Variants in HS3ST4 observed in about 807,000 individuals in gnomAD.
HS3ST4 encodes heparan sulfate-glucosamine 3-sulfotransferase 4, also known as heparan sulfate glucosamine 3-O-sulfotransferase 4.
In HS3ST4, 17 loss-of-function variants were observed where a neutral mutation model predicts 29.2. That is an observed-to-expected ratio of 0.58 (90% CI 0.40 to 0.87). HS3ST4 has a LOEUF of 0.87. HS3ST4 is among the 40% of genes least tolerant of loss of function. The pLI, the probability that HS3ST4 is intolerant of heterozygous loss-of-function variation, is 0.00. For synonymous variants in HS3ST4, 314 were observed against 285.7 expected (o/e 1.10, Z -1.00); for missense variants, 627 against 634.5 (o/e 0.99, Z 0.13).
chr16:25,957,017 A>AGC (rs1364110810), intron 1 of HS3ST4, among the ~76,000 whole-genome samples: 4 of 150,210 alleles, frequency 2.7e-5, no homozygotes, highest in Non-Finnish European at 4.4e-5. Context: ...AAAAAAAAAA[A>AGC]GCATGGGTTT....
At chr16:25,929,400 AAAAG>A (rs775875191) in intron 1 of HS3ST4, among the ~76,000 whole-genome samples, 2 of 151,546 alleles carry the variant, frequency 1.3e-5, no homozygotes, top group Non-Finnish European at 2.9e-5. Flanking sequence ...AAAAAAAAAG[AAAAG>A]AAAGGTTCAA....
intron 1 of HS3ST4, among the ~76,000 whole-genome samples, chr16:25,922,438 T>G (rs2141683495): frequency 6.6e-6 from 1 of 152,340 alleles, no homozygotes; most frequent in South Asian, 2.1e-4. Flanking sequence ...CCCCTTGATC[T>G]TGGGCTTCCC....
chr16:25,965,063 T>G (rs548281692), intron 1 of HS3ST4, among the ~76,000 whole-genome samples: 3 of 152,106 alleles, frequency 2.0e-5, no homozygotes, highest in African/African-American at 7.2e-5. Flanking sequence ...CGCGAGACAT[T>G]GTAACAGATA....
At chr16:26,034,819 T>C (rs1969568542) in intron 1 of HS3ST4, among the ~76,000 whole-genome samples, 1 of 151,780 alleles carries the variant, frequency 6.6e-6, no homozygotes, top group South Asian at 2.1e-4. Flanking sequence ...CATAAATAAA[T>C]AAGTAAATAA....
At chr16:26,049,726 C>T (rs1018631277) in intron 1 of HS3ST4, among the ~76,000 whole-genome samples, 2 of 152,110 alleles carry the variant, frequency 1.3e-5, no homozygotes, top group Non-Finnish European at 1.5e-5. Context: ...GGCTCAAGCC[C>T]CAGGGCATTT....
chr16:25,973,810 G>A (rs540665902), intron 1 of HS3ST4, among the ~76,000 whole-genome samples: 1 of 152,274 alleles, frequency 6.6e-6, no homozygotes, highest in South Asian at 2.1e-4. Flanking sequence ...TGAGGAAACT[G>A]AGACTCAGGT....
chr16:25,949,190 C>T (rs2141696181), intron 1 of HS3ST4, among the ~76,000 whole-genome samples: 1 of 152,180 alleles, frequency 6.6e-6, no homozygotes, highest in African/African-American at 2.4e-5. Context: ...ACCCCTCAAG[C>T]ATTTATCCTT....
intron 1 of HS3ST4, among the ~76,000 whole-genome samples, chr16:25,727,768 G>A (rs1966546532): frequency 6.6e-6 from 1 of 152,162 alleles, no homozygotes; most frequent in Non-Finnish European, 1.5e-5. Flanking sequence ...TACACCTCAT[G>A]ACTAGAATTA....
chr16:26,000,436 G>A (rs1248826019), intron 1 of HS3ST4, among the ~76,000 whole-genome samples: 1 of 152,110 alleles, frequency 6.6e-6, no homozygotes, highest in Non-Finnish European at 1.5e-5. Flanking sequence ...ACCAAAGAAA[G>A]TCCAGGATGG....
At chr16:26,047,842 A>G (rs1371816436) in intron 1 of HS3ST4, among the ~76,000 whole-genome samples, 1 of 152,226 alleles carries the variant, frequency 6.6e-6, no homozygotes, top group African/African-American at 2.4e-5. Flanking sequence ...ATGATGGACC[A>G]TGAGCGGTGT....
chr16:25,706,470 C>A lies in HS3ST4; in HGVS notation c.734+13319C>A, dbSNP rs144083383. Among the ~76,000 whole-genome samples the A allele has an allele frequency of 9.2e-3, 1,394 of 152,088 alleles. 22 individuals carry two copies. The highest frequency in any genetic ancestry group is 0.032 in the African/African-American group (1,338 of 41,470). On this transcript the variant is annotated intron_variant, in intron 1 of 1. Transcript: ENST00000331351. ...ATGGTGGTTTGCTGCACCTATCAACCCGTCATCTAGGTTTTAAGCCCGGCA... is the reference window on the plus strand; with the variant it reads ...ATGGTGGTTTGCTGCACCTATCAACACGTCATCTAGGTTTTAAGCCCGGCA...
intron 1 of HS3ST4, among the ~76,000 whole-genome samples, chr16:26,090,780 G>T (rs182255507): frequency 7.0e-4 from 107 of 152,252 alleles, no homozygotes; most frequent in African/African-American, 2.5e-3. Context: ...GAAAGAGATG[G>T]CACGATGCCA....
Position 25,990,886 on chromosome 16 carries a change from G to A in HS3ST4, c.735-144726G>A, listed in dbSNP as rs117704237. ...CAAAGGCATTCATTGTGATGACAGC[G>A]TCTCTATAAAGTAGTGTGACTTTTT... On this transcript the variant is annotated intron_variant, in intron 1 of 1. Coordinates refer to ENST00000331351, the MANE Select transcript of HS3ST4 (RefSeq NM_006040.3). Among the ~76,000 whole-genome samples, 401 of 152,284 alleles carry A rather than the reference G, an allele frequency of 2.6e-3. 2 individuals are homozygous for A. The highest frequency in any genetic ancestry group is 6.5e-3 in the African/African-American group (271 of 41,542).
chr16:25,821,489 A>G (rs751584973), intron 1 of HS3ST4, among the ~76,000 whole-genome samples: 1 of 152,036 alleles, frequency 6.6e-6, no homozygotes. Flanking sequence ...CTAGCTCTGC[A>G]TTTGTTTGGT....
In HS3ST4 at chr16:25,878,464, A is replaced by G. The variant is rs534760477; in HGVS notation, c.734+185313A>G. On this transcript the variant is annotated intron_variant, in intron 1 of 1. Transcript: ENST00000331351. ...TACCCAAACTTACAATGAAAAGCAAAGCAGAACAGAAATCTCACCTCCATT... is the reference window on the plus strand; with the variant it reads ...TACCCAAACTTACAATGAAAAGCAAGGCAGAACAGAAATCTCACCTCCATT... Among the ~76,000 whole-genome samples, 82 of 152,306 alleles carry G rather than the reference A, an allele frequency of 5.4e-4. 2 individuals are homozygous for G. The South Asian group carries it at 0.015, about 27-fold the overall frequency.
chr16:26,085,853 G>A (rs1208537990), intron 1 of HS3ST4, among the ~76,000 whole-genome samples: 1 of 150,846 alleles, frequency 6.6e-6, no homozygotes, highest in East Asian at 1.9e-4. Context: ...CAGTCTGGGT[G>A]ACAGAGCGAG....
At chr16:26,048,370 T>C (rs1003333321) in intron 1 of HS3ST4, among the ~76,000 whole-genome samples, 1 of 152,218 alleles carries the variant, frequency 6.6e-6, no homozygotes, top group Non-Finnish European at 1.5e-5. Context: ...TTGTCGACCA[T>C]ATAGCACAAC....
At chr16:26,070,586 C>G (rs1477328296) in intron 1 of HS3ST4, among the ~76,000 whole-genome samples, 1 of 152,184 alleles carries the variant, frequency 6.6e-6, no homozygotes, top group South Asian at 2.1e-4. Context: ...AGAGATTTGG[C>G]AACCAAGCAA....
At chr16:25,790,294 C>T (rs1246851815) in intron 1 of HS3ST4, among the ~76,000 whole-genome samples, 1 of 152,108 alleles carries the variant, frequency 6.6e-6, no homozygotes, top group Non-Finnish European at 1.5e-5. Context: ...CCTGTAATCC[C>T]ATCTACTCAG....
Sources: allele counts gnomAD v4.1 joint callset (sites outside exome capture counted in the v4.1 genomes callset), GRCh38; gene constraint gnomAD v4.1.1; transcripts MANE v1.5; gene names NCBI Gene and HGNC (gene_info 2026-07-23, HGNC 2026-07-21).